The following BMP1 variants were observed in gnomAD, a reference collection of about 807,000 sequenced individuals.
BMP1 encodes bone morphogenetic protein 1, also known as mammalian tolloid protein.
Under a neutral mutation model 116.8 loss-of-function variants are expected in BMP1, and 63 were observed. The ratio of observed to expected loss-of-function variants is 0.54; its 90% CI spans 0.44 to 0.67. BMP1 has a LOEUF of 0.67. Among genes scored for constraint, BMP1 ranks in the 30% least tolerant of loss-of-function variants. BMP1 has a pLI of 0.00. For synonymous variants in BMP1, 536 were observed against 533.4 expected (o/e 1.00, Z -0.07); for missense variants, 1,183 against 1,358.9 (o/e 0.87, Z 2.04).
At chr8:22,181,428 G>T (rs576594407) in intron 8 of BMP1, among the ~76,000 whole-genome samples, 1 of 152,206 alleles carries the variant, frequency 6.6e-6, no homozygotes, top group African/African-American at 2.4e-5. Context: ...CCGAGTGTGG[G>T]GAGGGCCCCC....
At chr8:22,173,804 CT>C in intron 2 of BMP1, 89 bp downstream of exon 2, 1 of 1,055,386 alleles carries the variant, frequency 9.5e-7, no homozygotes, top group Non-Finnish European at 1.4e-6. Context: ...CAGCCAGGCC[CT>C]CCCAGGACAG....
rs1284439713 is a variant in BMP1, at chr8:22,196,795, C to T, written c.1881C>T (p.Tyr627=). The change falls in exon 14 of 20, where the codon TAC becomes TAT. Residue 627 remains tyrosine, a synonymous_variant. Coordinates refer to ENST00000306385, the MANE Select transcript of BMP1 (RefSeq NM_006129.5). The stretch of plus-strand genomic sequence containing the variant: ...GGCAGCTGGTGGCCCCCACCCAGTA[C>T]CGCATCTCCCTGCAGTTTGACTTCT... ...CIWQLVAPTQ[Y]RISLQFDFFE... The T allele has an allele frequency of 1.9e-6, 3 of 1,614,096 alleles. No individual in the cohort carries two copies. The African/African-American group carries it at 4.0e-5, about 22-fold the overall frequency.
At chr8:22,209,280 G>A (rs561058333) in intron 18 of BMP1, among the ~76,000 whole-genome samples, 165 bp from the exon 19 acceptor site, 2 of 152,308 alleles carry the variant, frequency 1.3e-5, no homozygotes, top group Non-Finnish European at 2.9e-5. Context: ...TTAGAGATGG[G>A]GCAGCACAGC....
chr8:22,193,518 T>C (rs1419585178), intron 9 of BMP1, among the ~76,000 whole-genome samples: 1 of 152,228 alleles, frequency 6.6e-6, no homozygotes, highest in African/African-American at 2.4e-5. Context: ...GCACGGTGGC[T>C]CACACCTGAA....
intron 1 of BMP1, among the ~76,000 whole-genome samples, chr8:22,168,156 C>T (rs951320977): frequency 6.6e-6 from 1 of 152,100 alleles, no homozygotes; most frequent in African/African-American, 2.4e-5. Context: ...ATCCTTGATA[C>T]CCTGGAGAGG....
chr8:22,197,570 A>C, intron 15 of BMP1, 150 bp downstream of exon 15: 1 of 834,544 alleles, frequency 1.2e-6, no homozygotes, highest in Non-Finnish European at 1.8e-6. Context: ...TCACTCTCCC[A>C]TCAAGCCAGC....
chr8:22,182,045 C>T (rs150569256), intron 8 of BMP1, among the ~76,000 whole-genome samples: 11 of 152,302 alleles, frequency 7.2e-5, no homozygotes, highest in African/African-American at 2.2e-4. Context: ...TCTGGACCTC[C>T]GCACCAACCC....
At position 22,195,444 on chromosome 8, in the gene BMP1, C is replaced by A; in HGVS notation, c.1640-18C>A. 1 of 1,592,640 alleles carries A rather than the reference C, an allele frequency of 6.3e-7. No individual in the cohort carries two copies. Among genetic ancestry groups the A allele is most frequent in the Non-Finnish European group, 8.5e-7 (1 of 1,172,590 alleles). Reference sequence around the variant, plus strand: ...TTGAATGCCTGGAGTCTGTGACACCCTTTCCTTCCCACCACAGAGGTGGAC... The same window carrying A: ...TTGAATGCCTGGAGTCTGTGACACCATTTCCTTCCCACCACAGAGGTGGAC... On this transcript the variant is annotated intron_variant, in intron 12 of 19. Coordinates refer to ENST00000306385, the MANE Select transcript of BMP1 (RefSeq NM_006129.5).
At chr8:22,203,289 C>A (rs975549719) in intron 16 of BMP1, among the ~76,000 whole-genome samples, 2 of 152,100 alleles carry the variant, frequency 1.3e-5, no homozygotes, top group African/African-American at 4.8e-5. Context: ...GGTGCAGTGG[C>A]TCACGCCTGT....
At chr8:22,176,075 G>C (rs780640730) in intron 2 of BMP1, 68 bp from the exon 3 acceptor site, 1 of 1,525,196 alleles carries the variant, frequency 6.6e-7, no homozygotes, top group Non-Finnish European at 8.9e-7. Context: ...GAAAAATGAG[G>C]TTTGACTATG....
At chr8:22,204,197 G>A (rs531799125) in intron 16 of BMP1, among the ~76,000 whole-genome samples, 7 of 152,262 alleles carry the variant, frequency 4.6e-5, no homozygotes, top group African/African-American at 1.7e-4. Flanking sequence ...AAGAGGGAGG[G>A]CAGGGGGCTG....
Position 22,211,625 on chromosome 8 carries a change from C to T in BMP1, c.2858C>T (p.Ser953Phe), listed in dbSNP as rs1315320494. ...PPEEVYSAGDSVLVKFHSDDT... is the reference protein window; with the variant it reads ...PPEEVYSAGDFVLVKFHSDDT... ...GAGGAGGTGTACTCGGCGGGAGATT[C>T]TGTCCTGGTGAAGTTCCACTCGGAT... The change falls in exon 20 of 20, where the codon TCT (serine) becomes TTT (phenylalanine). Residue 953 changes from serine (S) to phenylalanine (F), a missense_variant. Coordinates refer to ENST00000306385, the MANE Select transcript of BMP1 (RefSeq NM_006129.5). 1 of 1,614,218 alleles carries T rather than the reference C, an allele frequency of 6.2e-7. No individual in the cohort carries two copies. Among genetic ancestry groups the T allele is most frequent in the Admixed American group, 1.7e-5 (1 of 60,034 alleles).
intron 8 of BMP1, among the ~76,000 whole-genome samples, chr8:22,190,321 T>C (rs1277294439): frequency 6.6e-6 from 1 of 152,234 alleles, no homozygotes; most frequent in African/African-American, 2.4e-5. Context: ...TAAACTCATA[T>C]ATGAATTTTT....
intron 8 of BMP1, 148 bp downstream of exon 8, chr8:22,180,631 G>A (rs79378486): frequency 4.6e-6 from 3 of 652,618 alleles, no homozygotes; most frequent in Admixed American, 5.7e-5. Context: ...ATGGAGCACG[G>A]CTGTAGGAAG....
chr8:22,189,155 A>T (rs1828860337), intron 8 of BMP1, among the ~76,000 whole-genome samples: 1 of 152,144 alleles, frequency 6.6e-6, no homozygotes, highest in South Asian at 2.1e-4. Context: ...GTGACTAAGC[A>T]TTGGTAACAC....
At chr8:22,211,544 C>T in intron 19 of BMP1, 50 bp from the exon 20 acceptor site, 1 of 1,610,916 alleles carries the variant, frequency 6.2e-7, no homozygotes, top group Non-Finnish European at 8.5e-7. Context: ...GGCAGGACAG[C>T]AGCCCCAGCC....
At chr8:22,165,648 C>T (rs1277828792) in intron 1 of BMP1, 95 bp downstream of exon 1, 6 of 1,329,816 alleles carry the variant, frequency 4.5e-6, no homozygotes, top group Non-Finnish European at 5.9e-6. Context: ...GTGTGGGAAG[C>T]CGGGAGCTGC....
chr8:22,207,869 T>A (rs1829392874), intron 18 of BMP1, among the ~76,000 whole-genome samples: 1 of 148,382 alleles, frequency 6.7e-6, no homozygotes, highest in African/African-American at 2.6e-5. Context: ...TATTTATTTT[T>A]TTATTTTTAT....
chr8:22,211,572 C>T, intron 19 of BMP1, 22 bp from the exon 20 acceptor site: 1 of 1,614,064 alleles, frequency 6.2e-7, no homozygotes, highest in Non-Finnish European at 8.5e-7. Flanking sequence ...CTCCACCTTA[C>T]CCCATCTCTT....
Sources: gnomAD v4.1 joint callset for allele counts (sites outside exome capture counted in the v4.1 genomes callset) on GRCh38, gnomAD v4.1.1 for gene constraint, MANE v1.5 for transcripts, NCBI Gene and HGNC (gene_info 2026-07-23, HGNC 2026-07-21) for gene names.